Variants in ATRNL1 observed in about 807,000 individuals in gnomAD.
ATRNL1 encodes attractin-like protein 1.
Under a neutral mutation model 182.7 loss-of-function variants are expected in ATRNL1, and 95 were observed. That is an observed-to-expected ratio of 0.52 (90% confidence interval 0.44 to 0.62). ATRNL1 has a LOEUF of 0.62. ATRNL1 is among the 20% of genes least tolerant of loss of function. The probability of loss-of-function intolerance (pLI) is 0.00; values close to 1 mark genes in which losing one functional copy is unlikely to be tolerated. For missense variants in ATRNL1, 1,471 were observed against 1,679.5 expected, an observed-to-expected ratio of 0.88 and a Z score of 2.17; for synonymous variants, 576 against 568.3, an observed-to-expected ratio of 1.01 and a Z score of -0.19.
intron 27 of ATRNL1, among the ~76,000 whole-genome samples, chr10:115,781,135 A>G (rs1485917824): frequency 6.6e-6 from 1 of 152,222 alleles, no homozygotes; most frequent in Non-Finnish European, 1.5e-5. Context: ...AGAGAAAAAC[A>G]AATTGAAACC....
At chr10:115,453,977 A>T (rs1450219488) in intron 21 of ATRNL1, among the ~76,000 whole-genome samples, 2 of 152,052 alleles carry the variant, frequency 1.3e-5, no homozygotes, top group Admixed American at 1.3e-4. Flanking sequence ...AAAGAAATCC[A>T]TTGTGAAGTT....
At chr10:115,611,939 G>A (rs1555019121) in intron 26 of ATRNL1, among the ~76,000 whole-genome samples, 1 of 151,908 alleles carries the variant, frequency 6.6e-6, no homozygotes, top group African/African-American at 2.4e-5. Context: ...TATGAGGAAG[G>A]GGGAATTGGA....
intron 26 of ATRNL1, among the ~76,000 whole-genome samples, chr10:115,711,316 G>T (rs1947057563): frequency 6.6e-6 from 1 of 152,112 alleles, no homozygotes; most frequent in Admixed American, 6.6e-5. Flanking sequence ...AGTTATGAGA[G>T]ACAGGATCCA....
intron 27 of ATRNL1, among the ~76,000 whole-genome samples, chr10:115,819,350 C>G (rs1240541948): frequency 4.6e-5 from 7 of 152,092 alleles, no homozygotes; most frequent in African/African-American, 1.7e-4. Context: ...AATTGCATTA[C>G]TATCTATCTA....
At chr10:115,671,472 A>G (rs1161954792) in intron 26 of ATRNL1, among the ~76,000 whole-genome samples, 1 of 152,132 alleles carries the variant, frequency 6.6e-6, no homozygotes, top group African/African-American at 2.4e-5. Flanking sequence ...TGCGCTACAC[A>G]TTTTGATAGC....
intron 26 of ATRNL1, among the ~76,000 whole-genome samples, chr10:115,600,653 A>G (rs1856541499): frequency 6.6e-6 from 1 of 152,090 alleles, no homozygotes; most frequent in African/African-American, 2.4e-5. Flanking sequence ...GTTTTATGCA[A>G]TGCAAGTATT....
At chr10:115,435,029 C>A (rs1296615043) in intron 21 of ATRNL1, among the ~76,000 whole-genome samples, 19 of 130,958 alleles carry the variant, frequency 1.5e-4, no homozygotes, top group African/African-American at 5.1e-4. Flanking sequence ...AAACCTGGGA[C>A]TTTTTTTTTT....
chr10:115,584,093 T>G (rs200877525), intron 26 of ATRNL1, among the ~76,000 whole-genome samples: 73,320 of 150,700 alleles, frequency 0.49, 19,019 homozygotes, highest in East Asian at 0.84. Flanking sequence ...GCATCCCAGG[T>G]ATGAAGCCCA....
At chr10:115,118,303 A>G (rs1462051771) in intron 1 of ATRNL1, among the ~76,000 whole-genome samples, 4 of 152,030 alleles carry the variant, frequency 2.6e-5, no homozygotes, top group African/African-American at 4.8e-5. Flanking sequence ...AGTTTCCCCA[A>G]TGTTTTCTTG....
intron 27 of ATRNL1, among the ~76,000 whole-genome samples, chr10:115,822,097 A>G (rs1355757312): frequency 6.6e-6 from 1 of 152,250 alleles, no homozygotes; most frequent in Admixed American, 6.5e-5. Flanking sequence ...CCACAGTGCA[A>G]TCAAATAAGA....
chr10:115,860,062 A>T (rs1057461503), intron 28 of ATRNL1, among the ~76,000 whole-genome samples: 1 of 152,160 alleles, frequency 6.6e-6, no homozygotes, highest in African/African-American at 2.4e-5. Flanking sequence ...ATGCAGGTAA[A>T]AGCACTGGAA....
chr10:115,171,463 T>A, intron 8 of ATRNL1, 171 bp downstream of exon 8: 1 of 540,340 alleles, frequency 1.9e-6, no homozygotes, highest in South Asian at 6.2e-5. Context: ...TTTTGTCCTT[T>A]AATATTTAAG....
chr10:115,143,411 A>AT (rs67548142), intron 5 of ATRNL1, among the ~76,000 whole-genome samples: 1,476 of 145,296 alleles, frequency 0.01, 15 homozygotes, highest in South Asian at 0.024. Flanking sequence ...CTTTCTTGGG[A>AT]TTTTTTTTTT....
chr10:115,373,593 G>C (rs1162314446), intron 19 of ATRNL1, among the ~76,000 whole-genome samples: 3 of 151,898 alleles, frequency 2.0e-5, no homozygotes, highest in Admixed American at 6.6e-5. Context: ...CTGTCAAATA[G>C]TTGTTCTACA....
intron 26 of ATRNL1, among the ~76,000 whole-genome samples, chr10:115,594,601 G>T (rs902233811): frequency 6.6e-6 from 1 of 152,166 alleles, no homozygotes; most frequent in Non-Finnish European, 1.5e-5. Context: ...CCGCCTTCAG[G>T]GTTCAAGTGA....
intron 27 of ATRNL1, among the ~76,000 whole-genome samples, chr10:115,781,529 A>G (rs1375526981): frequency 2.6e-5 from 4 of 152,220 alleles, no homozygotes; most frequent in Non-Finnish European, 5.9e-5. Context: ...ATATGGGTGA[A>G]TCCCACAAAC....
At chr10:115,547,841 A>G (rs1852756196) in intron 25 of ATRNL1, among the ~76,000 whole-genome samples, 2 of 152,232 alleles carry the variant, frequency 1.3e-5, no homozygotes, top group Non-Finnish European at 2.9e-5. Flanking sequence ...TGTTGAAAGC[A>G]AATTCTGAGA....
intron 17 of ATRNL1, among the ~76,000 whole-genome samples, chr10:115,315,198 G>T (rs901066229): frequency 1.3e-5 from 2 of 152,034 alleles, no homozygotes; most frequent in African/African-American, 4.8e-5. Flanking sequence ...AATAAAGGTG[G>T]TCTGTAGGGC....
At chr10:115,846,211 G>A (rs1265139247) in intron 27 of ATRNL1, among the ~76,000 whole-genome samples, 1 of 151,708 alleles carries the variant, frequency 6.6e-6, no homozygotes, top group Non-Finnish European at 1.5e-5. Context: ...CACCACCATC[G>A]CCACTTTCAC....
Sources: allele counts gnomAD v4.1 joint callset (sites outside exome capture counted in the v4.1 genomes callset), GRCh38; gene constraint gnomAD v4.1.1; transcripts MANE v1.5; gene names NCBI Gene and HGNC (gene_info 2026-07-23, HGNC 2026-07-21).